The following DMXL1 variants were observed in gnomAD, a reference collection of about 807,000 sequenced individuals.
DMXL1 encodes Dmx like 1, also known as dmX-like protein 1.
A neutral mutation model predicts 319.2 loss-of-function variants in DMXL1; 99 were observed. The ratio of observed to expected loss-of-function variants is 0.31; its 90% CI spans 0.26 to 0.37. DMXL1 has a LOEUF of 0.37. Among genes scored for constraint, DMXL1 ranks in the 10% least tolerant of loss-of-function variants. DMXL1 has a pLI of 1.00. For missense variants in DMXL1, 3,745 were observed against 3,595.6 expected (o/e 1.04, Z -1.06); for synonymous variants, 1,385 against 1,235.2 (o/e 1.12, Z -2.54).
At chr5:119,128,957 G>A (rs112785018) in intron 9 of DMXL1, among the ~76,000 whole-genome samples, 2 of 151,914 alleles carry the variant, frequency 1.3e-5, no homozygotes, top group African/African-American at 2.4e-5. Context: ...ACAGCTACTC[G>A]GGAGGCTGAG....
chr5:119,163,146 A>G (rs1378041328), intron 19 of DMXL1, among the ~76,000 whole-genome samples: 2 of 152,202 alleles, frequency 1.3e-5, no homozygotes, highest in Non-Finnish European at 2.9e-5. Flanking sequence ...TGGAGTAATA[A>G]TTACTGTGTG....
At chr5:119,143,649 C>T (rs531484016) in intron 13 of DMXL1, among the ~76,000 whole-genome samples, 192 bp from the exon 14 acceptor site, 2 of 151,978 alleles carry the variant, frequency 1.3e-5, no homozygotes, top group East Asian at 1.9e-4. Context: ...ACCAACTGAG[C>T]TGTAATGCTT....
chr5:119,247,851 C>T lies in DMXL1; in HGVS notation c.*632C>T, dbSNP rs573690092. 3 of 151,748 alleles carry T rather than the reference C, an allele frequency of 2.0e-5. No individual in the cohort carries two copies. Among genetic ancestry groups the T allele is most frequent in the Admixed American group, 1.3e-4 (2 of 15,226 alleles). 9.4% of individuals were successfully genotyped at this position (151,748 alleles called of 1,614,324 possible). A position where few individuals can be genotyped will look rare whatever the true frequency, so the allele number is the denominator to read the frequency against. On this transcript the variant is annotated 3_prime_UTR_variant, in exon 44 of 44. Coordinates refer to ENST00000539542, the MANE Select transcript of DMXL1 (RefSeq NM_001290321.3). ...GTGTATCTTACACATCTTATTTGAACTTAGTTGTATATATTAGCGAAAACT... is the reference window on the plus strand; with the variant it reads ...GTGTATCTTACACATCTTATTTGAATTTAGTTGTATATATTAGCGAAAACT...
intron 1 of DMXL1, among the ~76,000 whole-genome samples, chr5:119,080,734 A>G (rs1168181070): frequency 1.3e-5 from 2 of 152,178 alleles, no homozygotes; most frequent in Non-Finnish European, 2.9e-5. Flanking sequence ...GATTAGGATA[A>G]GGTATGAATT....
intron 34 of DMXL1, 109 bp downstream of exon 34, chr5:119,207,005 T>C: frequency 1.7e-6 from 1 of 605,668 alleles, no homozygotes; most frequent in Non-Finnish European, 2.7e-6. Context: ...ATTTAAAGTA[T>C]TGTTCCCTCA....
chr5:119,234,877 C>A (rs1254385882), intron 39 of DMXL1, among the ~76,000 whole-genome samples: 1 of 152,092 alleles, frequency 6.6e-6, no homozygotes, highest in Non-Finnish European at 1.5e-5. Context: ...CTCATGTCAA[C>A]TTCTTTAACA....
Position 119,151,949 on chromosome 5 carries a change from T to C in DMXL1, c.4615T>C (p.Cys1539Arg). 1 of 1,612,838 alleles carries C rather than the reference T, an allele frequency of 6.2e-7. No individual in the cohort carries two copies. Among genetic ancestry groups the C allele is most frequent in the Non-Finnish European group, 8.5e-7 (1 of 1,179,238 alleles). Reference sequence around the variant, plus strand: ...TGCAGGTGGAGAAACTCTTGATGAATGTGGGTTAAAATTTCTTTTGGCTGT... The same window carrying C: ...TGCAGGTGGAGAAACTCTTGATGAACGTGGGTTAAAATTTCTTTTGGCTGT... The part of the protein sequence containing the change: ...RSQGGETLDE[C>R]GLKFLLAVRL... Residue 1539 changes from cysteine (C) to arginine (R), a missense_variant, in exon 19 of 44, where the codon TGT (cysteine) becomes CGT (arginine). Transcript: ENST00000539542.
chr5:119,248,474 T>A lies in DMXL1; in HGVS notation c.*1255T>A, dbSNP rs1790113384. 1 of 152,508 alleles carries A rather than the reference T, an allele frequency of 6.6e-6. No homozygotes were observed. The highest frequency in any genetic ancestry group is 1.5e-5 in the Non-Finnish European group (1 of 67,926). The allele number at this position is 152,508 out of a possible 1,614,324, so 9.4% of individuals were successfully genotyped here. A position where few individuals can be genotyped will look rare whatever the true frequency, so the allele number is the denominator to read the frequency against. On this transcript the variant is annotated 3_prime_UTR_variant, in exon 44 of 44. Coordinates refer to ENST00000539542, the MANE Select transcript of DMXL1 (RefSeq NM_001290321.3). The stretch of plus-strand genomic sequence containing the variant: ...ATAGAAAACTTGATAAATACTTGAT[T>A]TTAACCAATGAGACTACAGGCAGAT...
Position 119,150,141 on chromosome 5 carries a change from A to G in DMXL1, c.4314A>G (p.Leu1438=). The part of the protein sequence containing the change: ...NESTLSKSNQ[L]SKESYDELFQ... ...GTACGTTAAGTAAATCAAACCAATT[A>G]TCTAAAGAAAGTTATGATGAGCTTT... The change falls in exon 18 of 44, where the codon TTA becomes TTG. Residue 1438 remains leucine, a synonymous_variant. Transcript: ENST00000539542. The G allele has an allele frequency of 6.2e-7, 1 of 1,613,840 alleles. No individual in the cohort carries two copies. The highest frequency in any genetic ancestry group is 1.3e-5 in the African/African-American group (1 of 75,050).
intron 9 of DMXL1, among the ~76,000 whole-genome samples, chr5:119,124,861 C>G (rs1028675666): frequency 7.2e-5 from 11 of 151,964 alleles, no homozygotes; most frequent in Non-Finnish European, 1.3e-4. Flanking sequence ...GTCACTGCAC[C>G]CAACCAACAT....
intron 33 of DMXL1, among the ~76,000 whole-genome samples, chr5:119,203,917 G>T (rs1561868329): frequency 6.6e-6 from 1 of 152,224 alleles, no homozygotes; most frequent in East Asian, 1.9e-4. Context: ...GCACCTCCCA[G>T]GTTCACACCA....
intron 40 of DMXL1, 23 bp downstream of exon 40, chr5:119,237,437 T>A: frequency 1.4e-6 from 2 of 1,442,012 alleles, no homozygotes; most frequent in East Asian, 2.3e-5. Context: ...TTTCTACCTT[T>A]AAATAAAATT....
intron 1 of DMXL1, among the ~76,000 whole-genome samples, chr5:119,079,972 T>C (rs1262006946): frequency 6.6e-6 from 1 of 152,238 alleles, no homozygotes; most frequent in Non-Finnish European, 1.5e-5. Flanking sequence ...TCCTGGTGTA[T>C]AGTCTGTGAT....
intron 34 of DMXL1, among the ~76,000 whole-genome samples, chr5:119,212,793 CAA>C (rs1172406130): frequency 6.6e-6 from 1 of 151,984 alleles, no homozygotes; most frequent in Non-Finnish European, 1.5e-5. Context: ...AGGCCTTTAA[CAA>C]ATAAAATTAC....
Position 119,220,945 on chromosome 5 carries a change from A to G in DMXL1, c.8141A>G (p.Glu2714Gly). 6.2e-7 allele frequency: 1 copy of G among 1,613,090 alleles called. No homozygotes were observed. Among genetic ancestry groups the G allele is most frequent in the Non-Finnish European group, 8.5e-7 (1 of 1,179,548 alleles). The part of the protein sequence containing the change: ...DDIEVETKGS[E>G]DFLVIHARDD... Reference sequence around the variant, plus strand: ...TGGTTGACATTCCTTTATAGATCAGAAGATTTCTTGGTTATACATGCTCGT... The same window carrying G: ...TGGTTGACATTCCTTTATAGATCAGGAGATTTCTTGGTTATACATGCTCGT... Residue 2714 changes from glutamate (E) to glycine (G), a missense_variant, in exon 37 of 44, where the codon GAA becomes GGA. Coordinates refer to ENST00000539542, the MANE Select transcript of DMXL1 (RefSeq NM_001290321.3).
In DMXL1 at chr5:119,149,114, C is replaced by G. The variant is rs777286314; in HGVS notation, c.3287C>G (p.Thr1096Arg). 1 of 1,613,820 alleles carries G rather than the reference C, an allele frequency of 6.2e-7. No homozygotes were observed. Among genetic ancestry groups the G allele is most frequent in the East Asian group, 2.2e-5 (1 of 44,864 alleles). The change falls in exon 18 of 44, where the codon ACA becomes AGA. Residue 1096 changes from threonine (T) to arginine (R), a missense_variant. Thr to Arg is a moderately conservative substitution (Grantham distance 71). This residue lies in a region of DMXL1 where 2,096 missense variants were observed against 1,985.4 expected (regional missense o/e 1.06). Transcript: ENST00000539542. ...TGGSCWVLEQ[T>R]IHLDELSTVL... ...GGTTCATGTTGGGTCCTTGAGCAGACAATTCATTTAGATGAGTTAAGCACA... is the reference window on the plus strand; with the variant it reads ...GGTTCATGTTGGGTCCTTGAGCAGAGAATTCATTTAGATGAGTTAAGCACA...
chr5:119,206,894 A>G lies in DMXL1; in HGVS notation c.7924A>G (p.Lys2642Glu). The change falls in exon 34 of 44, where the codon AAG becomes GAG. Residue 2642 changes from lysine to glutamate, a missense_variant and splice_region_variant. Transcript: ENST00000539542. Reference protein sequence around the residue: ...NSMMEEPNINKIEADLGYPGG... With the variant: ...NSMMEEPNINEIEADLGYPGG... The stretch of plus-strand genomic sequence containing the variant: ...TATGATGGAGGAGCCAAACATCAAT[A>G]AGGTACAAAATATCATTCAACTGAA... The G allele has an allele frequency of 5.3e-6, 8 of 1,513,652 alleles. No homozygotes were observed. The highest frequency in any genetic ancestry group is 4.8e-5 in the South Asian group (4 of 82,966). The allele number at this position is 1,513,652 out of a possible 1,614,324, so 93.8% of individuals were successfully genotyped here.
intron 1 of DMXL1, among the ~76,000 whole-genome samples, chr5:119,090,844 C>T (rs777326730): frequency 2.6e-5 from 4 of 151,618 alleles, no homozygotes; most frequent in African/African-American, 4.8e-5. Flanking sequence ...GGATTACAGG[C>T]GTGAGCCACC....
intron 23 of DMXL1, among the ~76,000 whole-genome samples, chr5:119,168,735 T>A (rs1440159718): frequency 6.6e-6 from 1 of 151,676 alleles, no homozygotes; most frequent in African/African-American, 2.4e-5. Flanking sequence ...AAAAAAAAAA[T>A]TAGACACAGT....
Sources: allele counts gnomAD v4.1 joint callset (sites outside exome capture counted in the v4.1 genomes callset), GRCh38; gene constraint gnomAD v4.1.1; regional missense constraint gnomAD v4.1.1; transcripts MANE v1.5; gene names NCBI Gene and HGNC (gene_info 2026-07-23, HGNC 2026-07-21).